Variants in MAPK9 observed in about 807,000 individuals in gnomAD.
MAPK9 encodes mitogen-activated protein kinase 9, also known as Jun kinase.
A neutral mutation model predicts 57.1 loss-of-function variants in MAPK9; 30 were observed. That is an observed-to-expected ratio of 0.53 (90% confidence interval 0.39 to 0.71). The LOEUF (loss-of-function observed/expected upper bound fraction) is 0.71, where lower values mean the gene tolerates loss of function less well. Among genes scored for constraint, MAPK9 ranks in the 30% least tolerant of loss-of-function variants. The pLI is 0.00. For synonymous variants in MAPK9, 155 were observed against 177.0 expected (o/e 0.88, Z 0.99); for missense variants, 362 against 521.0 (o/e 0.69, Z 2.97).
At chr5:180,272,287 C>T (rs1761405459) in intron 2 of MAPK9, among the ~76,000 whole-genome samples, 1 of 152,178 alleles carries the variant, frequency 6.6e-6, no homozygotes, top group African/African-American at 2.4e-5. Context: ...CTGCCCCCAC[C>T]CTTGATTGAT....
intron 2 of MAPK9, among the ~76,000 whole-genome samples, chr5:180,277,517 C>T (rs748375976): frequency 9.2e-5 from 14 of 152,126 alleles, no homozygotes; most frequent in Non-Finnish European, 2.1e-4. Context: ...TTAATGTAAT[C>T]ACACCGGCTA....
intron 9 of MAPK9, 40 bp downstream of exon 9, chr5:180,240,991 C>T: frequency 6.3e-7 from 1 of 1,582,734 alleles, no homozygotes; most frequent in South Asian, 1.2e-5. Flanking sequence ...AAATATAAGC[C>T]TGGCCTCTCT....
intron 1 of MAPK9, among the ~76,000 whole-genome samples, chr5:180,288,503 A>C (rs995240913): frequency 6.6e-6 from 1 of 152,208 alleles, no homozygotes; most frequent in African/African-American, 2.4e-5. Context: ...AAGAGTCAGT[A>C]CCTTTAGAGA....
intron 1 of MAPK9, among the ~76,000 whole-genome samples, chr5:180,286,779 G>A (rs535968845): frequency 1.1e-4 from 16 of 152,272 alleles, no homozygotes; most frequent in Non-Finnish European, 1.5e-4. Context: ...TGTGACTTCC[G>A]AACCACTGCA....
chr5:180,235,890 T>G lies in MAPK9; in HGVS notation c.*494A>C, dbSNP rs373144038. On this transcript the variant is annotated 3_prime_UTR_variant, in exon 12 of 12. Transcript: ENST00000452135. Reference sequence around the variant, plus strand: ...AAGGGAATAAGATATGATAACATCATGATGGCCAATTAATACACATAAATC... The same window carrying G: ...AAGGGAATAAGATATGATAACATCAGGATGGCCAATTAATACACATAAATC... The G allele has an allele frequency of 1.3e-5, 2 of 152,736 alleles. No homozygotes were observed. Among genetic ancestry groups the G allele is most frequent in the African/African-American group, 4.8e-5 (2 of 41,462 alleles). 9.5% of individuals were successfully genotyped at this position (152,736 alleles called of 1,614,324 possible).
rs1051960465 is a variant in MAPK9 at position 180,247,533 on chromosome 5, A to G, written c.617-23T>C. 9 of 1,602,362 alleles carry G rather than the reference A, an allele frequency of 5.6e-6. No homozygotes were observed. The highest frequency in any genetic ancestry group is 1.7e-6 in the Non-Finnish European group (2 of 1,169,790). On this transcript the variant is annotated intron_variant, in intron 6 of 11. Coordinates refer to ENST00000452135, the MANE Select transcript of MAPK9 (RefSeq NM_002752.5). The surrounding 1 kb of genome is among the most constrained non-coding windows in gnomAD (Gnocchi z 4.5). ...CAACTGAAAATAAAATGAAATGATA[A>G]AATTATGAAGTGCCATGAACAAAAC...
chr5:180,262,246 T>C (rs1196483748), intron 4 of MAPK9, among the ~76,000 whole-genome samples: 5 of 152,244 alleles, frequency 3.3e-5, no homozygotes. Context: ...CCGCTCAATT[T>C]TGCTGTGGCT....
Position 180,280,566 on chromosome 5 carries a change from C to T in MAPK9, c.-5G>A. Reference sequence around the variant, plus strand: ...GTCACATTTACTGTCGCTCATGATGCAGCGTCCTGCAATATCCCGAAGGGT... The same window carrying T: ...GTCACATTTACTGTCGCTCATGATGTAGCGTCCTGCAATATCCCGAAGGGT... On this transcript the variant is annotated 5_prime_UTR_variant, in exon 2 of 12. Coordinates refer to ENST00000452135, the MANE Select transcript of MAPK9 (RefSeq NM_002752.5). The T allele has an allele frequency of 1.9e-6, 3 of 1,613,314 alleles. No homozygotes were observed. Among genetic ancestry groups the T allele is most frequent in the Non-Finnish European group, 2.5e-6 (3 of 1,179,714 alleles).
Position 180,235,975 on chromosome 5 carries a change from GCA to G in MAPK9, c.*407_*408del, listed in dbSNP as rs1192419372. 1.3e-5 allele frequency: 2 copies of G among 154,608 alleles called. No homozygotes were observed. Among genetic ancestry groups the G allele is most frequent in the Non-Finnish European group, 2.9e-5 (2 of 69,448 alleles). The allele number at this position is 154,608 out of a possible 1,614,324, so 9.6% of individuals were successfully genotyped here. A position where few individuals can be genotyped will look rare whatever the true frequency, so the allele number is the denominator to read the frequency against. On this transcript the variant is annotated 3_prime_UTR_variant, in exon 12 of 12. Transcript: ENST00000452135. ...GGATTAAGAGATAACTTCAGAAGCA[GCA>G]CTACCTGGAAGATTATTTGGCATTT...
intron 10 of MAPK9, 48 bp downstream of exon 10, chr5:180,239,876 A>G: frequency 6.4e-7 from 1 of 1,559,238 alleles, no homozygotes; most frequent in East Asian, 2.2e-5. Flanking sequence ...GCTCTACAGG[A>G]TTGGAAGAAA....
chr5:180,248,838 G>A, intron 6 of MAPK9, 135 bp downstream of exon 6: 1 of 780,220 alleles, frequency 1.3e-6, no homozygotes, highest in Non-Finnish European at 1.9e-6. Context: ...TCTTATCTCT[G>A]GATCATGCTA....
At chr5:180,257,739 A>C (rs1030773143) in intron 5 of MAPK9, 4 of 158,832 alleles carry the variant, frequency 2.5e-5, no homozygotes, top group African/African-American at 7.2e-5. Flanking sequence ...GAAAAAATTT[A>C]TGAAGTCCTA....
rs1409605172 is a variant in MAPK9 at position 180,280,495 on chromosome 5, G to C, written c.67C>G (p.Leu23Val). 6.2e-7 allele frequency: 1 copy of C among 1,614,186 alleles called. No individual in the cohort carries two copies. Among genetic ancestry groups the C allele is most frequent in the Admixed American group, 1.7e-5 (1 of 60,032 alleles). Residue 23 changes from leucine to valine, a missense_variant, in exon 2 of 12, where the codon CTA (leucine) becomes GTA (valine). This residue lies in a region of MAPK9 where 36 missense variants were observed against 38.0 expected (regional missense o/e 0.95). Transcript: ENST00000452135. ...VQVADSTFTV[L>V]KRYQQLKPIG... ...GGTTTCAGCTGCTGGTAACGTTTTA[G>C]GACAGTGAAGGTTGAGTCTGCCACT... is the stretch of plus-strand genomic sequence containing the variant.
chr5:180,285,034 G>C (rs1762617350), intron 1 of MAPK9, among the ~76,000 whole-genome samples: 1 of 152,176 alleles, frequency 6.6e-6, no homozygotes, highest in Non-Finnish European at 1.5e-5. Flanking sequence ...TTTAAAAACT[G>C]ATTAAACAAC....
chr5:180,268,393 T>C (rs1760896757), intron 3 of MAPK9, among the ~76,000 whole-genome samples: 1 of 152,254 alleles, frequency 6.6e-6, no homozygotes, highest in African/African-American at 2.4e-5. Flanking sequence ...TATTTAGTTG[T>C]TTCTCAATTT....
In MAPK9 at chr5:180,242,924, T is replaced by G. The variant is rs35658759; in HGVS notation, c.689-169A>C. 1.9e-3 allele frequency: 979 copies of G among 520,160 alleles called. 4 individuals carry two copies. In the Middle Eastern group the frequency reaches 0.019, roughly 10 times the overall value. 32.2% of individuals were successfully genotyped at this position (520,160 alleles called of 1,614,324 possible). On this transcript the variant is annotated intron_variant, in intron 7 of 11. Transcript: ENST00000452135. ...GGTTTGGGTTTCCAAGTTACACTAT[T>G]TTTTAAAACTCTCACACTCTGCATC...
chr5:180,289,349 A>G (rs1763035903), intron 1 of MAPK9, among the ~76,000 whole-genome samples: 2 of 152,238 alleles, frequency 1.3e-5, no homozygotes, highest in Admixed American at 1.3e-4. Flanking sequence ...AGGAAAATCA[A>G]AGCTGTCAAA....
At chr5:180,261,573 C>CA in intron 5 of MAPK9, 111 bp downstream of exon 5, 3 of 1,031,166 alleles carry the variant, frequency 2.9e-6, no homozygotes, top group Non-Finnish European at 4.1e-6. Context: ...ATTCCATCAT[C>CA]TATTTGGATT....
At position 180,247,838 on chromosome 5, in the gene MAPK9, T is replaced by C; in HGVS notation, c.617-328A>G. ...CCAGCCTCCATGGCCAAGTACCGGGTCCCCTGTGAAGGATACAGTCTCTTC... is the reference window on the plus strand; with the variant it reads ...CCAGCCTCCATGGCCAAGTACCGGGCCCCCTGTGAAGGATACAGTCTCTTC... On this transcript the variant is annotated intron_variant, in intron 6 of 11. Coordinates refer to ENST00000452135, the MANE Select transcript of MAPK9 (RefSeq NM_002752.5). This position sits in a 1 kb window ranked among gnomAD's most constrained non-coding sequence, Gnocchi z 4.5. The C allele has an allele frequency of 6.2e-7, 1 of 1,613,378 alleles. No homozygotes were observed. The highest frequency in any genetic ancestry group is 1.7e-5 in the Admixed American group (1 of 59,976).
Sources: gnomAD v4.1 joint callset for allele counts (sites outside exome capture counted in the v4.1 genomes callset) on GRCh38, gnomAD v4.1.1 for gene constraint, gnomAD v4.1.1 regional missense constraint, Gnocchi (gnomAD v3.1) non-coding constraint, MANE v1.5 for transcripts, NCBI Gene and HGNC (gene_info 2026-07-23, HGNC 2026-07-21) for gene names.